ZNF583: variants seen among roughly 807,000 people sequenced by gnomAD.
The protein encoded by ZNF583 is zinc finger protein L3-5.
Under a neutral mutation model 55.3 loss-of-function variants are expected in ZNF583, and 30 were observed. The ratio of observed to expected loss-of-function variants is 0.54; its 90% CI spans 0.41 to 0.74. ZNF583 has a LOEUF of 0.74. ZNF583 is among the 30% of genes least tolerant of loss of function. ZNF583 has a pLI of 0.00. For synonymous variants in ZNF583, 208 were observed against 220.0 expected, an observed-to-expected ratio of 0.95 and a Z score of 0.48; for missense variants, 504 against 664.7, an observed-to-expected ratio of 0.76 and a Z score of 2.66.
chr19:56,423,513 A>T lies in ZNF583; in HGVS notation c.855A>T (p.Gln285His). ...KAFSQNAHLAQHQRVHTGEKP... is the reference protein window; with the variant it reads ...KAFSQNAHLAHHQRVHTGEKP... ...TCAGCCAGAATGCACACCTGGCCCA[A>T]CATCAGAGAGTTCATACTGGAGAGA... Residue 285 changes from glutamine to histidine, a missense_variant, in exon 5 of 5, where the codon CAA becomes CAT. Gln to His is a conservative substitution (Grantham distance 24, BLOSUM62 0). Coordinates refer to ENST00000333201, the MANE Select transcript of ZNF583 (RefSeq NM_152478.3). The T allele has an allele frequency of 6.2e-7, 1 of 1,613,928 alleles. No homozygotes were observed. The highest frequency in any genetic ancestry group is 8.5e-7 in the Non-Finnish European group (1 of 1,179,964).
chr19:56,406,171 G>A (rs1205218518), intron 1 of ZNF583, among the ~76,000 whole-genome samples: 2 of 152,152 alleles, frequency 1.3e-5, no homozygotes, highest in African/African-American at 2.4e-5. Flanking sequence ...GAAGTAGGCC[G>A]TCTTGACTCT....
chr19:56,405,828 T>A (rs2042138377), intron 1 of ZNF583, among the ~76,000 whole-genome samples: 1 of 152,242 alleles, frequency 6.6e-6, no homozygotes, highest in Admixed American at 6.5e-5. Context: ...AGGGAATAGT[T>A]ACCATTTCAC....
chr19:56,409,532 C>G (rs138484132), intron 2 of ZNF583, among the ~76,000 whole-genome samples: 5 of 152,048 alleles, frequency 3.3e-5, no homozygotes, highest in African/African-American at 1.2e-4. Flanking sequence ...GATGGGGTCT[C>G]ACTATTTTGC....
chr19:56,418,832 C>T (rs907932646), intron 4 of ZNF583, among the ~76,000 whole-genome samples: 1 of 152,102 alleles, frequency 6.6e-6, no homozygotes, highest in South Asian at 2.1e-4. Flanking sequence ...CTGTTTCAAT[C>T]TTAAGGGAAA....
intron 2 of ZNF583, among the ~76,000 whole-genome samples, chr19:56,407,467 A>G (rs1384386905): frequency 6.6e-6 from 1 of 152,252 alleles, no homozygotes; most frequent in Non-Finnish European, 1.5e-5. Context: ...AACCACTAGC[A>G]TAAATAAAGC....
chr19:56,426,192 A>G lies in ZNF583; in HGVS notation c.*1824A>G, dbSNP rs1401060594. Reference sequence around the variant, plus strand: ...TACATATTCATGCTGTTACACATATAAAGAAAATTATAACAAAAGTGACCT... The same window carrying G: ...TACATATTCATGCTGTTACACATATGAAGAAAATTATAACAAAAGTGACCT... On this transcript the variant is annotated 3_prime_UTR_variant, in exon 5 of 5. Coordinates refer to ENST00000333201, the MANE Select transcript of ZNF583 (RefSeq NM_152478.3). 6.6e-6 allele frequency: 1 copy of G among 152,252 alleles called. No homozygotes were observed. The highest frequency in any genetic ancestry group is 1.5e-5 in the Non-Finnish European group (1 of 68,040). 9.4% of individuals were successfully genotyped at this position (152,252 alleles called of 1,614,324 possible).
At chr19:56,419,551 C>A (rs1387830022) in intron 4 of ZNF583, among the ~76,000 whole-genome samples, 1 of 152,092 alleles carries the variant, frequency 6.6e-6, no homozygotes, top group Non-Finnish European at 1.5e-5. Context: ...ATAATACTGG[C>A]CTTATGAAAA....
At chr19:56,415,337 G>A (rs975282706) in intron 4 of ZNF583, among the ~76,000 whole-genome samples, 1 of 152,012 alleles carries the variant, frequency 6.6e-6, no homozygotes, top group Admixed American at 6.6e-5. Context: ...ACATAAGAGG[G>A]TTATATATAT....
rs907004611 is a variant in ZNF583 at position 56,411,890 on chromosome 19, AT to A, written c.10-2060del. On this transcript the variant is annotated intron_variant, in intron 2 of 4. Coordinates refer to ENST00000333201, the MANE Select transcript of ZNF583 (RefSeq NM_152478.3). ...CGGCAGTAGCAATTAACATTGACTC[AT>A]TTTTTTTTCCATTAAAAAGGTTTCT... Among the ~76,000 whole-genome samples the A allele has an allele frequency of 1.3e-4, 19 of 151,392 alleles. No homozygotes were observed. The East Asian group carries it at 1.6e-3, about 12-fold the overall frequency.
chr19:56,414,504 A>G, intron 4 of ZNF583, 64 bp downstream of exon 4: 1 of 1,464,672 alleles, frequency 6.8e-7, no homozygotes, highest in Non-Finnish European at 9.4e-7. Flanking sequence ...ATTCTGAAAG[A>G]TTTCAGTTCA....
Position 56,425,576 on chromosome 19 carries a change from A to G in ZNF583, c.*1208A>G, listed in dbSNP as rs1306436597. 1 of 152,248 alleles carries G rather than the reference A, an allele frequency of 6.6e-6. No homozygotes were observed. Among genetic ancestry groups the G allele is most frequent in the Non-Finnish European group, 1.5e-5 (1 of 68,038 alleles). 9.4% of individuals were successfully genotyped at this position (152,248 alleles called of 1,614,324 possible). On this transcript the variant is annotated 3_prime_UTR_variant, in exon 5 of 5. Transcript: ENST00000333201. ...CATCATTTACATGTAAACAAAGGCAAAATCGAAATTAAAAAGAAATCTTGA... is the reference window on the plus strand; with the variant it reads ...CATCATTTACATGTAAACAAAGGCAGAATCGAAATTAAAAAGAAATCTTGA...
At chr19:56,415,746 A>G (rs1285785873) in intron 4 of ZNF583, among the ~76,000 whole-genome samples, 1 of 151,944 alleles carries the variant, frequency 6.6e-6, no homozygotes, top group African/African-American at 2.4e-5. Context: ...CTGTATTTTA[A>G]GTAGAGATGG....
rs200582911 is a variant in ZNF583, at chr19:56,422,942, A to T, written c.284A>T (p.Tyr95Phe). The change falls in exon 5 of 5, where the codon TAT becomes TTT. Residue 95 changes from tyrosine to phenylalanine, a missense_variant. Tyr to Phe is a conservative substitution (Grantham distance 22, BLOSUM62 3). This residue lies in a region of ZNF583 where 204 missense variants were observed against 235.2 expected (regional missense o/e 0.87). Transcript: ENST00000333201. ...GAATTTTCATCAAAGCAAGAGACAT[A>T]TGAAGAATCATCCAAAGTTGTGACA... ...NSEFSSKQET[Y>F]EESSKVVTVG... The T allele has an allele frequency of 2.9e-4, 474 of 1,613,298 alleles. 1 individual carries two copies. The highest frequency in any genetic ancestry group is 3.9e-4 in the Non-Finnish European group (457 of 1,179,700).
In ZNF583 at chr19:56,426,490, AT is replaced by A. The variant is rs1415709041; in HGVS notation, c.*2128del. The A allele has an allele frequency of 1.3e-5, 2 of 152,184 alleles. No homozygotes were observed. Among genetic ancestry groups the A allele is most frequent in the African/African-American group, 2.4e-5 (1 of 41,438 alleles). 9.4% of individuals were successfully genotyped at this position (152,184 alleles called of 1,614,324 possible). Reference sequence around the variant, plus strand: ...GATCAAAGATAGTAAAAGATACAATATTTTTTAAACCTAAGAATGGGAGAAA... The same window carrying A: ...GATCAAAGATAGTAAAAGATACAATATTTTTAAACCTAAGAATGGGAGAAA... On this transcript the variant is annotated 3_prime_UTR_variant, in exon 5 of 5. Transcript: ENST00000333201.
In ZNF583 at chr19:56,424,234, A is replaced by G; in HGVS notation, c.1576A>G (p.Arg526Gly). The G allele has an allele frequency of 6.2e-7, 1 of 1,614,000 alleles. No homozygotes were observed. Among genetic ancestry groups the G allele is most frequent in the Non-Finnish European group, 8.5e-7 (1 of 1,179,970 alleles). ...GERPYECKDC[R>G]KSFRQRAHLA... ...AAGACCCTATGAATGTAAAGATTGC[A>G]GGAAATCTTTCAGGCAGCGTGCACA... Residue 526 changes from arginine (R) to glycine (G), a missense_variant, in exon 5 of 5, where the codon AGG becomes GGG. By Grantham distance (125) the Arg-to-Gly change is moderately radical. This residue lies in a region of ZNF583 where 63 missense variants were observed against 56.5 expected (regional missense o/e 1.11). Coordinates refer to ENST00000333201, the MANE Select transcript of ZNF583 (RefSeq NM_152478.3).
intron 4 of ZNF583, among the ~76,000 whole-genome samples, chr19:56,417,896 G>A (rs1244261121): frequency 2.0e-5 from 3 of 152,090 alleles, no homozygotes; most frequent in Non-Finnish European, 2.9e-5. Context: ...TGTCAGGAAA[G>A]ACTTTCCCTT....
chr19:56,411,085 GAGACC>G (rs2147565017), intron 2 of ZNF583, among the ~76,000 whole-genome samples: 2 of 149,704 alleles, frequency 1.3e-5, no homozygotes, highest in East Asian at 4.0e-4. Context: ...CCAGGAGTTT[GAGACC>G]AGCCTGGGCA....
chr19:56,415,743 T>G (rs2042311467), intron 4 of ZNF583, among the ~76,000 whole-genome samples: 1 of 152,038 alleles, frequency 6.6e-6, no homozygotes, highest in Non-Finnish European at 1.5e-5. Context: ...TTTCTGTATT[T>G]TAAGTAGAGA....
chr19:56,413,632 G>T (rs979175119), intron 2 of ZNF583, among the ~76,000 whole-genome samples: 12 of 152,098 alleles, frequency 7.9e-5, no homozygotes, highest in African/African-American at 2.4e-5. Flanking sequence ...ATTGAGAAAT[G>T]CTCTGGCATT....
Sources: gnomAD v4.1 joint callset for allele counts (sites outside exome capture counted in the v4.1 genomes callset) on GRCh38, gnomAD v4.1.1 for gene constraint, gnomAD v4.1.1 regional missense constraint, MANE v1.5 for transcripts, NCBI Gene and HGNC (gene_info 2026-07-23, HGNC 2026-07-21) for gene names.